COL2A1: variants seen among roughly 807,000 people sequenced by gnomAD.
COL2A1 encodes collagen type II alpha 1 chain.
COL2A1 carries 28 observed loss-of-function variants against 204.5 expected under a neutral mutation model. The ratio of observed to expected loss-of-function variants is 0.14; its 90% CI spans 0.10 to 0.19. COL2A1 has a LOEUF of 0.19. Among genes scored for constraint, COL2A1 ranks in the 10% least tolerant of loss-of-function variants. COL2A1 has a pLI of 1.00. For missense variants in COL2A1, 1,388 were observed against 2,027.5 expected (o/e 0.68, Z 6.06); for synonymous variants, 708 against 718.7 (o/e 0.99, Z 0.24).
chr12:47,998,770 T>C (rs1592237280), intron 2 of COL2A1: 1 of 289,784 alleles, frequency 3.5e-6, no homozygotes, highest in Non-Finnish European at 6.4e-6. Flanking sequence ...CAGTCTCTCT[T>C]CCCCCCACAG....
chr12:48,002,427 C>T (rs9669263), intron 1 of COL2A1, among the ~76,000 whole-genome samples: 32,168 of 152,014 alleles, frequency 0.21, 3,853 homozygotes, highest in African/African-American at 0.33. Context: ...TGACCCCAGG[C>T]GGGGGAAGTT....
Position 47,987,382 on chromosome 12 carries a change from C to A in COL2A1, c.1222-69G>T. On this transcript the variant is annotated intron_variant, in intron 19 of 53. Coordinates refer to ENST00000380518, the MANE Select transcript of COL2A1 (RefSeq NM_001844.5). This position sits in a 1 kb window ranked among gnomAD's most constrained non-coding sequence, Gnocchi z 4.1. ...CCAACCACCTCCAGCCCTCCAGGAT[C>A]CAGATCCAGGGACCTGGCATAGGTG... is the stretch of plus-strand genomic sequence containing the variant. 1 of 1,551,964 alleles carries A rather than the reference C, an allele frequency of 6.4e-7. No homozygotes were observed. The highest frequency in any genetic ancestry group is 1.1e-5 in the South Asian group (1 of 88,890).
chr12:47,982,389 G>A (rs1939142840), intron 34 of COL2A1, 113 bp downstream of exon 34: 3 of 944,574 alleles, frequency 3.2e-6, no homozygotes, highest in African/African-American at 1.6e-5. Flanking sequence ...TCCTCAAAAA[G>A]GGCTAACAGA....
intron 22 of COL2A1, 110 bp from the exon 23 acceptor site, chr12:47,986,553 G>GT (rs200120095): frequency 7.5e-5 from 57 of 761,548 alleles, no homozygotes; most frequent in South Asian, 1.3e-4. Context: ...AGGGCTGGGG[G>GT]GGGGCTTGAG....
At position 47,996,572 on chromosome 12, in the gene COL2A1, C is replaced by T. The variant is rs1187934787; in HGVS notation, c.585G>A (p.Gln195=). Residue 195 remains glutamine, a synonymous_variant, in exon 8 of 54, where the codon CAG becomes CAA. Coordinates refer to ENST00000380518, the MANE Select transcript of COL2A1 (RefSeq NM_001844.5). ...CCATTGGTCCTTGCATTACTCCCAA[C>T]TGGGCGCCACCAGCCTTTTCATCAA... The part of the protein sequence containing the change: ...GGFDEKAGGA[Q]LGVMQGPMGP... 3 of 1,614,240 alleles carry T rather than the reference C, an allele frequency of 1.9e-6. No individual in the cohort carries two copies. Among genetic ancestry groups the T allele is most frequent in the South Asian group, 2.2e-5 (2 of 91,084 alleles).
intron 33 of COL2A1, 42 bp downstream of exon 33, chr12:47,982,806 C>T: frequency 1.3e-6 from 2 of 1,551,086 alleles, no homozygotes; most frequent in Non-Finnish European, 1.8e-6. Context: ...GTGGGACTCC[C>T]AGGCTACCAC....
At position 47,975,558 on chromosome 12, in the gene COL2A1, G is replaced by GCCAGGGGGACCTGGAGGA; in HGVS notation, c.3627_3644dup (p.Pro1211_Pro1216dup). 1 of 1,603,586 alleles carries GCCAGGGGGACCTGGAGGA rather than the reference G, an allele frequency of 6.2e-7. No homozygotes were observed. ...CAAAGGCGGACATGTCGATGCCAGG[G>GCCAGGGGGACCTGGAGGA]CCAGGGGGACCTGGAGGACCAGGGG... is the stretch of plus-strand genomic sequence containing the variant. On this transcript the variant is annotated inframe_insertion, in exon 51 of 54. Coordinates refer to ENST00000380518, the MANE Select transcript of COL2A1 (RefSeq NM_001844.5).
intron 35 of COL2A1, 138 bp from the exon 36 acceptor site, chr12:47,981,967 G>C: frequency 7.8e-7 from 1 of 1,287,026 alleles, no homozygotes; most frequent in Non-Finnish European, 1.1e-6. Context: ...TTTTAACAGA[G>C]AAGTCCCTGC....
chr12:47,985,046 C>T lies in COL2A1; in HGVS notation c.1782G>A (p.Gly594=). Reference sequence around the variant, plus strand: ...CCATGACACCAGGCTGCCCACGAGCCCCCTGAGGACCTGGAGGTCCAGGAC... The same window carrying T: ...CCATGACACCAGGCTGCCCACGAGCTCCCTGAGGACCTGGAGGTCCAGGAC... ...DGRPGPPGPQ[G]ARGQPGVMGF... Residue 594 remains glycine, a synonymous_variant, in exon 27 of 54, where the codon GGG becomes GGA. Coordinates refer to ENST00000380518, the MANE Select transcript of COL2A1 (RefSeq NM_001844.5). 1.2e-6 allele frequency: 2 copies of T among 1,613,992 alleles called. No individual in the cohort carries two copies. The highest frequency in any genetic ancestry group is 8.5e-7 in the Non-Finnish European group (1 of 1,179,998).
chr12:47,983,756 G>A lies in COL2A1; in HGVS notation c.1942-20C>T. 1 of 1,573,808 alleles carries A rather than the reference G, an allele frequency of 6.4e-7. No homozygotes were observed. On this transcript the variant is annotated intron_variant, in intron 29 of 53. Coordinates refer to ENST00000380518, the MANE Select transcript of COL2A1 (RefSeq NM_001844.5). ...AGGTCCCTGCAGTGGAAAAGAAAAGGTGAGCTGAGCCAGTGTTCCAGAGAC... is the reference window on the plus strand; with the variant it reads ...AGGTCCCTGCAGTGGAAAAGAAAAGATGAGCTGAGCCAGTGTTCCAGAGAC...
chr12:47,986,840 C>G lies in COL2A1; in HGVS notation c.1414G>C (p.Glu472Gln). The change falls in exon 22 of 54, where the codon GAA becomes CAA. Residue 472 changes from glutamate to glutamine, a missense_variant. Physicochemically the swap from Glu to Gln is conservative, Grantham distance 29. Around this residue, in one of 3 missense-constraint regions of COL2A1, gnomAD observed 884 missense variants for 1,415.8 expected, o/e 0.62. Coordinates refer to ENST00000380518, the MANE Select transcript of COL2A1 (RefSeq NM_001844.5). ...GCTTGGGGGCAGATACTCACAGGTTCTCCCTTGGGGCCTTGTTCACCTTTG... is the reference window on the plus strand; with the variant it reads ...GCTTGGGGGCAGATACTCACAGGTTGTCCCTTGGGGCCTTGTTCACCTTTG... ...GFKGEQGPKG[E>Q]PGPAGPQGAP... is the part of the protein sequence containing the mutation. 6.2e-7 allele frequency: 1 copy of G among 1,614,202 alleles called. No individual in the cohort carries two copies. Among genetic ancestry groups the G allele is most frequent in the Non-Finnish European group, 8.5e-7 (1 of 1,180,016 alleles).
intron 44 of COL2A1, 81 bp downstream of exon 44, chr12:47,977,929 C>A (rs1938813433): frequency 7.4e-7 from 1 of 1,343,744 alleles, no homozygotes; most frequent in African/African-American, 1.4e-5. Flanking sequence ...CTGACTGGGA[C>A]TTGTCCTTGC....
In COL2A1 at chr12:47,974,708, G is replaced by T. The variant is rs139496018; in HGVS notation, c.4041C>A (p.Ile1347=). ...CACCATTGATGGTTTCTCCAAACCA[G>T]ATGTGTTTCTTCTCCTTGCTCTTGC... ...WSSKSKEKKH[I]WFGETINGGF... The change falls in exon 52 of 54, where the codon ATC becomes ATA. Residue 1347 remains isoleucine, a synonymous_variant. Coordinates refer to ENST00000380518, the MANE Select transcript of COL2A1 (RefSeq NM_001844.5). The T allele has an allele frequency of 1.8e-5, 29 of 1,614,206 alleles. No homozygotes were observed. The Admixed American group carries it at 2.8e-4, about 16-fold the overall frequency.
At chr12:47,979,752 T>C (rs993438946) in intron 40 of COL2A1, among the ~76,000 whole-genome samples, 188 bp from the exon 41 acceptor site, 8 of 152,152 alleles carry the variant, frequency 5.3e-5, no homozygotes, top group African/African-American at 1.9e-4. Context: ...ACAGGCTGTT[T>C]CCCTGCCTCC....
intron 1 of COL2A1, among the ~76,000 whole-genome samples, chr12:48,001,866 C>T (rs1171368980): frequency 1.3e-5 from 2 of 152,222 alleles, no homozygotes; most frequent in African/African-American, 2.4e-5. Flanking sequence ...GCGCCTGATC[C>T]GGTTCCCCTC....
At chr12:47,997,959 G>T (rs781196396) in intron 5 of COL2A1, 35 bp from the exon 6 acceptor site, 2 of 1,614,114 alleles carry the variant, frequency 1.2e-6, no homozygotes, top group Non-Finnish European at 1.7e-6. Context: ...TGACAGCAAG[G>T]CCAGGAGCCT....
chr12:47,973,677 A>AG (rs1386303740), intron 53 of COL2A1, 124 bp from the exon 54 acceptor site: 2 of 1,161,506 alleles, frequency 1.7e-6, no homozygotes, highest in East Asian at 4.9e-5. Flanking sequence ...AACCACACTG[A>AG]GGGGGCTCCT....
At chr12:48,001,168 G>A (rs982303675) in intron 1 of COL2A1, 1 of 152,280 alleles carries the variant, frequency 6.6e-6, no homozygotes, top group Non-Finnish European at 1.5e-5. Flanking sequence ...CACGTGCTAG[G>A]GAGCGCCCAG....
chr12:47,989,957 G>T (rs190065499), intron 16 of COL2A1, 152 bp from the exon 17 acceptor site: 33 of 734,142 alleles, frequency 4.5e-5, no homozygotes, highest in Middle Eastern at 2.8e-4. Context: ...TGCAGTTTTG[G>T]TGTCTGTGCG....
Sources: gnomAD v4.1 joint callset for allele counts (sites outside exome capture counted in the v4.1 genomes callset) on GRCh38, gnomAD v4.1.1 for gene constraint, gnomAD v4.1.1 regional missense constraint, Gnocchi (gnomAD v3.1) non-coding constraint, MANE v1.5 for transcripts, NCBI Gene and HGNC (gene_info 2026-07-23, HGNC 2026-07-21) for gene names.